SMAD9: variants seen among roughly 807,000 people sequenced by gnomAD.
SMAD9 encodes the protein MAD homolog 9.
A neutral mutation model predicts 46.1 loss-of-function variants in SMAD9; 36 were observed. That is an observed-to-expected ratio of 0.78 (90% CI 0.60 to 1.03). SMAD9 has a LOEUF of 1.03. Ranked by LOEUF, SMAD9 falls within the 50% of genes least tolerant of loss-of-function variation. The pLI, the probability that SMAD9 is intolerant of heterozygous loss-of-function variation, is 0.00. For missense variants in SMAD9, 572 were observed against 599.8 expected (o/e 0.95, Z 0.48); for synonymous variants, 245 against 237.1 (o/e 1.03, Z -0.31).
intron 3 of SMAD9, among the ~76,000 whole-genome samples, chr13:36,867,787 T>G (rs572071997): frequency 1.3e-5 from 2 of 152,230 alleles, no homozygotes; most frequent in African/African-American, 2.4e-5. Context: ...TGTCACAAAT[T>G]GTACAATGGC....
At chr13:36,914,811 C>T (rs2058686736) in intron 1 of SMAD9, among the ~76,000 whole-genome samples, 1 of 152,176 alleles carries the variant, frequency 6.6e-6, no homozygotes, top group Non-Finnish European at 1.5e-5. Flanking sequence ...CCTGGCACTT[C>T]AGTTGAACGC....
chr13:36,845,767 GACTAAAGGGTTA>G lies in SMAD9; in HGVS notation c.*2897_*2908del, dbSNP rs1252702334. ...GATTAAAATATGATTGTGTTACAAT[GACTAAAGGGTTA>G]ACTTCTCATTAATTCTAAATTCTTC... On this transcript the variant is annotated 3_prime_UTR_variant, in exon 7 of 7. Coordinates refer to ENST00000379826, the MANE Select transcript of SMAD9 (RefSeq NM_001127217.3). 1 of 152,118 alleles carries G rather than the reference GACTAAAGGGTTA, an allele frequency of 6.6e-6. No homozygotes were observed. The allele number at this position is 152,118 out of a possible 1,614,324, so 9.4% of individuals were successfully genotyped here.
At chr13:36,877,248 G>A (rs1000847350) in intron 2 of SMAD9, among the ~76,000 whole-genome samples, 2 of 152,190 alleles carry the variant, frequency 1.3e-5, no homozygotes, top group African/African-American at 4.8e-5. Context: ...TGTAGTCCCA[G>A]CTACTCAGGA....
intron 2 of SMAD9, among the ~76,000 whole-genome samples, chr13:36,876,784 G>C (rs762889753): frequency 6.6e-6 from 1 of 152,036 alleles, no homozygotes; most frequent in South Asian, 2.1e-4. Context: ...CAAAACTTAA[G>C]CTTTATGATA....
chr13:36,849,621 C>T (rs976122288), intron 6 of SMAD9: 1 of 150,022 alleles, frequency 6.7e-6, no homozygotes, highest in Non-Finnish European at 1.5e-5. Context: ...CCTAGGTGAT[C>T]GCTCCTCCCC....
intron 1 of SMAD9, among the ~76,000 whole-genome samples, chr13:36,903,418 C>T (rs1383472129): frequency 1.3e-5 from 2 of 152,140 alleles, no homozygotes; most frequent in African/African-American, 2.4e-5. Flanking sequence ...AGCCACCACA[C>T]CCGGCCTGGA....
chr13:36,908,712 T>C (rs2058637251), intron 1 of SMAD9, among the ~76,000 whole-genome samples: 1 of 151,876 alleles, frequency 6.6e-6, no homozygotes, highest in East Asian at 1.9e-4. Flanking sequence ...GATAAAATAG[T>C]CAAAAGGAAA....
chr13:36,859,877 T>C (rs1028875097), intron 5 of SMAD9, among the ~76,000 whole-genome samples: 8 of 151,902 alleles, frequency 5.3e-5, no homozygotes, highest in Admixed American at 4.6e-4. Context: ...GGAGAATCGC[T>C]TGAACCCGGG....
At chr13:36,895,049 A>G (rs1201253661) in intron 1 of SMAD9, among the ~76,000 whole-genome samples, 4 of 152,158 alleles carry the variant, frequency 2.6e-5, no homozygotes, top group South Asian at 2.1e-4. Context: ...AATCTCCGGC[A>G]GTCAGTTCCA....
At chr13:36,901,787 C>T (rs1333216851) in intron 1 of SMAD9, among the ~76,000 whole-genome samples, 1 of 152,136 alleles carries the variant, frequency 6.6e-6, no homozygotes, top group Non-Finnish European at 1.5e-5. Context: ...ATTTGCTGTC[C>T]ATTTGTATGT....
chr13:36,865,026 G>A (rs1013588791), intron 5 of SMAD9, among the ~76,000 whole-genome samples: 1 of 152,194 alleles, frequency 6.6e-6, no homozygotes, highest in African/African-American at 2.4e-5. Context: ...AGACCAGTAT[G>A]ACTTGTACCC....
intron 5 of SMAD9, among the ~76,000 whole-genome samples, chr13:36,855,387 C>T (rs1033071704): frequency 4.0e-5 from 6 of 150,932 alleles, no homozygotes; most frequent in Non-Finnish European, 1.5e-5. Flanking sequence ...AAATGTATAG[C>T]GAGGGACTGA....
Position 36,853,661 on chromosome 13 carries a change from A to G in SMAD9, c.1018T>C (p.Tyr340His). ...TCGGCATACACCTCTCCCCCGACGT[A>G]GTACAAGTGCACACCTGCAGACACA... ...RHIGKGVHLYYVGGEVYAECV... is the reference protein window; with the variant it reads ...RHIGKGVHLYHVGGEVYAECV... Residue 340 changes from tyrosine (Y) to histidine (H), a missense_variant, in exon 6 of 7, where the codon TAC (tyrosine) becomes CAC (histidine). By Grantham distance (83) the Tyr-to-His change is moderately conservative. Transcript: ENST00000379826. 1.9e-6 allele frequency: 3 copies of G among 1,614,118 alleles called. No individual in the cohort carries two copies. Among genetic ancestry groups the G allele is most frequent in the Non-Finnish European group, 2.5e-6 (3 of 1,180,020 alleles).
chr13:36,883,436 T>C (rs2058420331), intron 1 of SMAD9, among the ~76,000 whole-genome samples: 1 of 152,134 alleles, frequency 6.6e-6, no homozygotes, highest in Non-Finnish European at 1.5e-5. Flanking sequence ...CTTAAAAGGA[T>C]TTAAATCACA....
chr13:36,869,741 A>G (rs2058271801), intron 3 of SMAD9, among the ~76,000 whole-genome samples: 1 of 151,990 alleles, frequency 6.6e-6, no homozygotes, highest in East Asian at 2.0e-4. Flanking sequence ...AGGCAGGAGA[A>G]TGGCTTGTAC....
At chr13:36,902,845 A>T (rs997912981) in intron 1 of SMAD9, among the ~76,000 whole-genome samples, 2 of 152,172 alleles carry the variant, frequency 1.3e-5, no homozygotes, top group Admixed American at 1.3e-4. Context: ...CTCAATTAGG[A>T]TATGGACGTT....
In SMAD9 at chr13:36,872,814, G is replaced by A; in HGVS notation, c.514C>T (p.Pro172Ser). ...GAGTCAGGATAGGTGGCGTTGTGTG[G>A]CATGAGTGGCTCACTGTGCAGGGAG... ...SASLHSEPLM[P>S]HNATYPDSFQ... Residue 172 changes from proline (P) to serine (S), a missense_variant, in exon 3 of 7, where the codon CCA (proline) becomes TCA (serine). Physicochemically the swap from Pro to Ser is moderately conservative, Grantham distance 74. Transcript: ENST00000379826. The A allele has an allele frequency of 6.2e-7, 1 of 1,614,112 alleles. No individual in the cohort carries two copies. The highest frequency in any genetic ancestry group is 1.3e-5 in the African/African-American group (1 of 75,042).
At chr13:36,917,591 G>C (rs201424471) in intron 1 of SMAD9, among the ~76,000 whole-genome samples, 2 of 95,016 alleles carry the variant, frequency 2.1e-5, no homozygotes, top group African/African-American at 7.1e-5. Context: ...ACAATATACA[G>C]AAAGTCTGCA....
In SMAD9 at chr13:36,856,798, CTT is replaced by C. The variant is rs34107763; in HGVS notation, c.1004-3125_1004-3124del. On this transcript the variant is annotated intron_variant, in intron 5 of 6. Transcript: ENST00000379826. ...CCAGGGTGAGGCCGGGTGACCTGCA[CTT>C]TTTTTTTTTTTTTTTTTTGAGATGG... 4.0e-3 allele frequency among the ~76,000 whole-genome samples: 497 copies of C among 123,384 alleles called. 5 individuals carry two copies. The highest frequency in any genetic ancestry group is 0.015 in the African/African-American group (448 of 30,332). 80.9% of individuals were successfully genotyped at this position (123,384 alleles called of 152,430 possible). A position where few individuals can be genotyped will look rare whatever the true frequency, so the allele number is the denominator to read the frequency against.
Sources: allele counts gnomAD v4.1 joint callset (sites outside exome capture counted in the v4.1 genomes callset), GRCh38; gene constraint gnomAD v4.1.1; transcripts MANE v1.5; gene names NCBI Gene and HGNC (gene_info 2026-07-23, HGNC 2026-07-21).